The following CC2D2A variants were observed in gnomAD, a reference collection of about 807,000 sequenced individuals.
CC2D2A encodes coiled-coil and C2 domain-containing protein 2A.
Under a neutral mutation model 212.9 loss-of-function variants are expected in CC2D2A, and 155 were observed. That is an observed-to-expected ratio of 0.73 (90% confidence interval 0.64 to 0.83). The LOEUF (loss-of-function observed/expected upper bound fraction) is 0.83, where lower values mean the gene tolerates loss of function less well. CC2D2A is among the 40% of genes least tolerant of loss of function. CC2D2A has a pLI of 0.00. For synonymous variants in CC2D2A, 667 were observed against 686.5 expected (o/e 0.97, Z 0.44); for missense variants, 1,856 against 1,956.2 (o/e 0.95, Z 0.97).
chr4:15,522,016 T>C (rs557204345), intron 11 of CC2D2A, among the ~76,000 whole-genome samples: 3 of 152,028 alleles, frequency 2.0e-5, no homozygotes, highest in Non-Finnish European at 4.4e-5. Context: ...CTGGACAACA[T>C]AGTGAGACCC....
chr4:15,598,862 C>CA (rs1331011598), intron 35 of CC2D2A, among the ~76,000 whole-genome samples: 1 of 151,954 alleles, frequency 6.6e-6, no homozygotes, highest in Admixed American at 6.6e-5. Flanking sequence ...CATAACATTT[C>CA]AAAAAAACAT....
chr4:15,549,035 T>TA (rs1452674977), intron 17 of CC2D2A, among the ~76,000 whole-genome samples: 3 of 152,208 alleles, frequency 2.0e-5, no homozygotes, highest in African/African-American at 7.2e-5. Flanking sequence ...TTATGCTTTT[T>TA]AAAAATATCT....
intron 27 of CC2D2A, 119 bp downstream of exon 27, chr4:15,569,508 T>C (rs986526638): frequency 1.1e-5 from 7 of 633,202 alleles, no homozygotes; most frequent in Middle Eastern, 4.1e-4. Context: ...TTCTTGGATA[T>C]CACACAAGAA....
intron 17 of CC2D2A, among the ~76,000 whole-genome samples, chr4:15,547,373 T>C (rs1466881183): frequency 1.3e-5 from 2 of 152,224 alleles, no homozygotes; most frequent in Non-Finnish European, 2.9e-5. Context: ...TTAACTATAG[T>C]AACCCTACTG....
intron 19 of CC2D2A, 89 bp downstream of exon 19, chr4:15,553,394 C>G (rs1719107216): frequency 7.1e-7 from 1 of 1,406,746 alleles, no homozygotes; most frequent in Non-Finnish European, 9.7e-7. Flanking sequence ...GTATCATATT[C>G]TTTCCTTTTA....
chr4:15,593,796 A>G (rs1250511965), intron 33 of CC2D2A, among the ~76,000 whole-genome samples: 1 of 152,152 alleles, frequency 6.6e-6, no homozygotes, highest in Non-Finnish European at 1.5e-5. Flanking sequence ...TGTTCGTTCA[A>G]GTCACTGTAG....
intron 4 of CC2D2A, among the ~76,000 whole-genome samples, chr4:15,488,025 T>C (rs1257623056): frequency 2.0e-5 from 3 of 152,058 alleles, no homozygotes; most frequent in East Asian, 1.9e-4. Flanking sequence ...TCTTGACAAA[T>C]TGTTGTAGTT....
In CC2D2A at chr4:15,555,103, A is replaced by C. The variant is rs751903949; in HGVS notation, c.2518A>C (p.Ile840Leu). Residue 840 changes from isoleucine to leucine, a missense_variant, in exon 20 of 37, where the codon ATT (isoleucine) becomes CTT (leucine). Coordinates refer to ENST00000424120, the MANE Select transcript of CC2D2A (RefSeq NM_001378615.1). ...ALKKADAISS[I>L]GTSGLTDMKK... is the part of the protein sequence containing the mutation. ...GAAGAAAGCAGATGCCATCTCATCT[A>C]TTGGCACATCAGGACTGACAGACAT... is the stretch of plus-strand genomic sequence containing the variant. 1 of 1,613,474 alleles carries C rather than the reference A, an allele frequency of 6.2e-7. No individual in the cohort carries two copies. The highest frequency in any genetic ancestry group is 8.5e-7 in the Non-Finnish European group (1 of 1,179,698).
intron 19 of CC2D2A, 149 bp downstream of exon 19, chr4:15,553,454 A>C (rs1719110589): frequency 3.4e-6 from 3 of 881,134 alleles, no homozygotes; most frequent in Non-Finnish European, 5.0e-6. Context: ...AGGTAAAAAC[A>C]AAAAATGTTT....
intron 11 of CC2D2A, among the ~76,000 whole-genome samples, chr4:15,518,087 C>A (rs1476264434): frequency 6.6e-6 from 1 of 152,126 alleles, no homozygotes; most frequent in Non-Finnish European, 1.5e-5. Flanking sequence ...CAAACCATAT[C>A]ATTTCACCCC....
chr4:15,540,938 G>T lies in CC2D2A; in HGVS notation c.2105G>T (p.Gly702Val), dbSNP rs1490843228. The change falls in exon 17 of 37, where the codon GGA becomes GTA. Residue 702 changes from glycine to valine, a missense_variant. Coordinates refer to ENST00000424120, the MANE Select transcript of CC2D2A (RefSeq NM_001378615.1). ...EVSRTVSRPL[G>V]ADFRVHFGQI... ...TCCAGGACAGTCAGTCGGCCACTAG[G>T]AGCAGACTTCCGAGTTCACTTTGGG... The T allele has an allele frequency of 5.7e-6, 9 of 1,567,244 alleles. No homozygotes were observed. The highest frequency in any genetic ancestry group is 6.9e-6 in the Non-Finnish European group (8 of 1,155,782).
At chr4:15,539,011 G>A (rs1041853571) in intron 16 of CC2D2A, among the ~76,000 whole-genome samples, 8 of 151,668 alleles carry the variant, frequency 5.3e-5, no homozygotes, top group African/African-American at 1.7e-4. Context: ...CCAGCCTGGG[G>A]AACAAAATGA....
At chr4:15,560,644 A>T in intron 23 of CC2D2A, 22 bp downstream of exon 23, 1 of 996,122 alleles carries the variant, frequency 1.0e-6, no homozygotes, top group Non-Finnish European at 1.5e-6. Context: ...CAAAGCCATT[A>T]TTATCAATTC....
At chr4:15,582,673 A>G (rs1720708190) in intron 30 of CC2D2A, among the ~76,000 whole-genome samples, 1 of 152,198 alleles carries the variant, frequency 6.6e-6, no homozygotes, top group Admixed American at 6.5e-5. Context: ...CAGAACAATA[A>G]CAAGTAATGA....
At chr4:15,561,436 C>T (rs989420846) in intron 23 of CC2D2A, among the ~76,000 whole-genome samples, 1 of 152,140 alleles carries the variant, frequency 6.6e-6, no homozygotes, top group African/African-American at 2.4e-5. Flanking sequence ...CACATAAATC[C>T]ATGCAAAACC....
intron 24 of CC2D2A, chr4:15,564,271 C>G (rs757546922): frequency 5.9e-5 from 9 of 152,450 alleles, no homozygotes; most frequent in Non-Finnish European, 1.0e-4. Context: ...TGCTATGTTG[C>G]CCAGGCTGGT....
chr4:15,478,711 A>G lies in CC2D2A; in HGVS notation c.40-12A>G. The stretch of plus-strand genomic sequence containing the variant: ...TGTCTTAAGATTCTCTCCCTTTTGC[A>G]TTTTCACAAAGGAGTTCATTGAAAA... On this transcript the variant is annotated splice_polypyrimidine_tract_variant and intron_variant, in intron 2 of 36. Transcript: ENST00000424120. 2.6e-6 allele frequency: 4 copies of G among 1,548,012 alleles called. 1 individual carries two copies. In the South Asian group the frequency reaches 4.8e-5, roughly 19 times the overall value.
chr4:15,573,449 C>G (rs1039818334), intron 28 of CC2D2A, among the ~76,000 whole-genome samples: 2 of 152,190 alleles, frequency 1.3e-5, no homozygotes, highest in African/African-American at 4.8e-5. Flanking sequence ...TGCCACCACA[C>G]CTGGCTAATT....
chr4:15,550,628 A>G, intron 17 of CC2D2A, 196 bp from the exon 18 acceptor site: 1 of 395,664 alleles, frequency 2.5e-6, no homozygotes. Context: ...CTGGGTGTCA[A>G]CAACTTGACC....
Sources: gnomAD v4.1 joint callset for allele counts (sites outside exome capture counted in the v4.1 genomes callset) on GRCh38, gnomAD v4.1.1 for gene constraint, MANE v1.5 for transcripts, NCBI Gene and HGNC (gene_info 2026-07-23, HGNC 2026-07-21) for gene names.